MACROD2: variants seen among roughly 807,000 people sequenced by gnomAD.
MACROD2 encodes mono-ADP ribosylhydrolase 2, also known as ADP-ribose glycohydrolase MACROD2.
Under a neutral mutation model 70.4 loss-of-function variants are expected in MACROD2, and 36 were observed. The observed-to-expected ratio is 0.51, with a 90% CI of 0.39 to 0.68. The LOEUF (loss-of-function observed/expected upper bound fraction) is 0.68, where lower values mean the gene tolerates loss of function less well. MACROD2 is among the 30% of genes least tolerant of loss of function. MACROD2 has a pLI of 0.00. For synonymous variants in MACROD2, 172 were observed against 178.8 expected (o/e 0.96, Z 0.30); for missense variants, 496 against 538.4 (o/e 0.92, Z 0.78).
At chr20:14,511,760 GAAA>G (rs10854238) in intron 4 of MACROD2, among the ~76,000 whole-genome samples, 1 of 150,204 alleles carries the variant, frequency 6.7e-6, no homozygotes, top group Non-Finnish European at 1.5e-5. Context: ...GTTGCTGACA[GAAA>G]AAAAAAAAGT....
chr20:15,406,195 A>G (rs892906273), intron 6 of MACROD2, among the ~76,000 whole-genome samples: 1 of 152,172 alleles, frequency 6.6e-6, no homozygotes, highest in African/African-American at 2.4e-5. Flanking sequence ...TGTCATTTAC[A>G]TTTGAATCAC....
At chr20:14,158,861 G>A (rs1013596268) in intron 3 of MACROD2, among the ~76,000 whole-genome samples, 3 of 152,082 alleles carry the variant, frequency 2.0e-5, no homozygotes, top group Non-Finnish European at 2.9e-5. Context: ...CAGCTTTGTC[G>A]TTTTTGCTCA....
intron 3 of MACROD2, among the ~76,000 whole-genome samples, chr20:14,356,511 T>C (rs890142757): frequency 4.2e-5 from 6 of 141,862 alleles, no homozygotes; most frequent in South Asian, 2.3e-4. Flanking sequence ...TTTTTTTTTT[T>C]TTTTTTTTTT....
intron 4 of MACROD2, among the ~76,000 whole-genome samples, chr20:14,516,852 A>C (rs2085106050): frequency 6.6e-6 from 1 of 152,206 alleles, no homozygotes; most frequent in Non-Finnish European, 1.5e-5. Context: ...CAAGAAAAAA[A>C]GAACCCCATC....
intron 3 of MACROD2, among the ~76,000 whole-genome samples, chr20:14,314,969 A>G (rs2047654858): frequency 6.6e-6 from 1 of 152,092 alleles, no homozygotes; most frequent in Admixed American, 6.6e-5. Flanking sequence ...AGCAGCAAAA[A>G]CTGGAAAGCA....
At chr20:14,023,186 G>T (rs1421705957) in intron 2 of MACROD2, among the ~76,000 whole-genome samples, 4 of 152,108 alleles carry the variant, frequency 2.6e-5, no homozygotes, top group Admixed American at 1.3e-4. Context: ...TATGTATGTT[G>T]GCTGCATAAA....
intron 4 of MACROD2, among the ~76,000 whole-genome samples, chr20:14,572,073 C>T (rs981390407): frequency 2.6e-5 from 4 of 151,964 alleles, no homozygotes; most frequent in Non-Finnish European, 5.9e-5. Flanking sequence ...CATTTCTTTG[C>T]CACCTAGATT....
chr20:14,527,444 C>G (rs555891642), intron 4 of MACROD2, among the ~76,000 whole-genome samples: 1 of 152,046 alleles, frequency 6.6e-6, no homozygotes. Flanking sequence ...TTAAAGGGAC[C>G]ACTCTCTTCC....
At chr20:14,009,252 T>C (rs769567042) in intron 2 of MACROD2, among the ~76,000 whole-genome samples, 1 of 152,084 alleles carries the variant, frequency 6.6e-6, no homozygotes, top group Non-Finnish European at 1.5e-5. Flanking sequence ...ATAAGGAACT[T>C]AAATTTACAA....
chr20:14,237,232 A>G (rs372719933), intron 3 of MACROD2, among the ~76,000 whole-genome samples: 2 of 152,104 alleles, frequency 1.3e-5, no homozygotes, highest in Non-Finnish European at 1.5e-5. Flanking sequence ...TTTCATTACA[A>G]TTATGAATAC....
At chr20:14,491,558 T>A (rs978429274) in intron 3 of MACROD2, among the ~76,000 whole-genome samples, 11 of 152,138 alleles carry the variant, frequency 7.2e-5, no homozygotes. Context: ...TGACATAAAC[T>A]AACTTGATGA....
intron 6 of MACROD2, among the ~76,000 whole-genome samples, chr20:15,408,576 A>AT (rs1337593344): frequency 3.9e-5 from 6 of 152,230 alleles, no homozygotes; most frequent in Admixed American, 2.6e-4. Context: ...ATCGGAGCAA[A>AT]GTCCTCACTA....
Position 14,924,072 on chromosome 20 carries a change from C to T in MACROD2, c.418+239113C>T, listed in dbSNP as rs2074198391. Among the ~76,000 whole-genome samples the T allele has an allele frequency of 2.6e-5, 4 of 152,058 alleles. No individual in the cohort carries two copies. In the South Asian group the frequency reaches 8.3e-4, roughly 32 times the overall value. On this transcript the variant is annotated intron_variant, in intron 5 of 17. Coordinates refer to ENST00000684519, the MANE Select transcript of MACROD2 (RefSeq NM_001351661.2). ...AAAAGTGTTTTAAATTAGACCAAGG[C>T]TATTTTTAGTTTTTGGAAAGTTAGC... is the stretch of plus-strand genomic sequence containing the variant.
At chr20:15,354,405 A>G (rs1233564075) in intron 6 of MACROD2, among the ~76,000 whole-genome samples, 2 of 152,164 alleles carry the variant, frequency 1.3e-5, no homozygotes, top group African/African-American at 2.4e-5. Flanking sequence ...ATGTTAAATG[A>G]TGAGTTAATG....
intron 6 of MACROD2, among the ~76,000 whole-genome samples, chr20:15,245,328 T>G (rs538777045): frequency 6.6e-6 from 1 of 152,298 alleles, no homozygotes; most frequent in African/African-American, 2.4e-5. Flanking sequence ...GAAAATGTAT[T>G]TACTTATTTT....
chr20:14,229,494 A>G (rs1484912397), intron 3 of MACROD2, among the ~76,000 whole-genome samples: 2 of 152,244 alleles, frequency 1.3e-5, no homozygotes, highest in Non-Finnish European at 2.9e-5. Context: ...TATGTCATTA[A>G]AGAATTGCAA....
At chr20:16,041,141 T>C (rs1244901680) in intron 15 of MACROD2, 60 bp from the exon 16 acceptor site, 1 of 1,382,470 alleles carries the variant, frequency 7.2e-7, no homozygotes, top group Non-Finnish European at 1.0e-6. Flanking sequence ...CAGAAATGAT[T>C]GGCCCTCAGG....
At chr20:15,492,429 AAC>A (rs1198233990) in intron 7 of MACROD2, among the ~76,000 whole-genome samples, 1 of 152,164 alleles carries the variant, frequency 6.6e-6, no homozygotes, top group African/African-American at 2.4e-5. Flanking sequence ...TTAAAATAAC[AAC>A]ACACAATGCA....
intron 15 of MACROD2, among the ~76,000 whole-genome samples, chr20:15,988,525 G>A (rs537821991): frequency 2.6e-5 from 4 of 151,958 alleles, no homozygotes; most frequent in Non-Finnish European, 5.9e-5. Flanking sequence ...GCTGGCATTC[G>A]GCACATTGAC....
Sources: gnomAD v4.1 joint callset for allele counts (sites outside exome capture counted in the v4.1 genomes callset) on GRCh38, gnomAD v4.1.1 for gene constraint, MANE v1.5 for transcripts, NCBI Gene and HGNC (gene_info 2026-07-23, HGNC 2026-07-21) for gene names.